DLG2: variants seen among roughly 807,000 people sequenced by gnomAD.
The protein encoded by DLG2 is disks large homolog 2.
DLG2 carries 45 observed loss-of-function variants against 132.5 expected under a neutral mutation model. The observed-to-expected ratio is 0.34, with a 90% CI of 0.27 to 0.44. The LOEUF is 0.44. Among genes scored for constraint, DLG2 ranks in the 20% least tolerant of loss-of-function variants. The pLI, the probability that DLG2 is intolerant of heterozygous loss-of-function variation, is 1.00. For missense variants in DLG2, 1,045 were observed against 1,196.9 expected (o/e 0.87, Z 1.87); for synonymous variants, 424 against 419.6 (o/e 1.01, Z -0.13).
chr11:84,361,042 C>A (rs113755211), intron 7 of DLG2, among the ~76,000 whole-genome samples: 2 of 151,766 alleles, frequency 1.3e-5, no homozygotes, highest in South Asian at 2.1e-4. Context: ...CCAGTTAACT[C>A]GAAGAAATAG....
chr11:84,500,434 A>G (rs1470159715), intron 7 of DLG2, among the ~76,000 whole-genome samples: 1 of 152,222 alleles, frequency 6.6e-6, no homozygotes, highest in African/African-American at 2.4e-5. Context: ...TGATAGCTTA[A>G]AGAATCAATG....
intron 3 of DLG2, among the ~76,000 whole-genome samples, chr11:85,440,525 TTTAGAGTACAGAAGC>T (rs1446686036): frequency 6.6e-6 from 1 of 152,176 alleles, no homozygotes; most frequent in African/African-American, 2.4e-5. Flanking sequence ...CTGCGTGAAG[TTTAGAGTACAGAAGC>T]TTTGCACCAA....
intron 6 of DLG2, among the ~76,000 whole-genome samples, chr11:84,540,170 CA>C (rs1275734185): frequency 6.6e-6 from 1 of 152,070 alleles, no homozygotes; most frequent in East Asian, 1.9e-4. Flanking sequence ...GCAATGGCAA[CA>C]AAAGCCAAAA....
chr11:84,170,552 C>A (rs759719700), intron 8 of DLG2, among the ~76,000 whole-genome samples: 1 of 152,088 alleles, frequency 6.6e-6, no homozygotes. Flanking sequence ...GTGATTCCAC[C>A]GGCAGTGAGT....
At chr11:84,950,719 G>A (rs186550886) in intron 6 of DLG2, among the ~76,000 whole-genome samples, 4 of 150,408 alleles carry the variant, frequency 2.7e-5, no homozygotes, top group East Asian at 1.9e-4. Context: ...GCACACACAC[G>A]CACGTGCATA....
At chr11:83,666,333 G>A (rs2075559124) in intron 18 of DLG2, among the ~76,000 whole-genome samples, 1 of 152,184 alleles carries the variant, frequency 6.6e-6, no homozygotes, top group Non-Finnish European at 1.5e-5. Context: ...TGCAGGAACT[G>A]GGCCGCACAG....
At position 85,000,174 on chromosome 11, in the gene DLG2, A is replaced by G. The variant is rs181137209; in HGVS notation, c.357+111487T>C. On this transcript the variant is annotated intron_variant, in intron 6 of 27. Coordinates refer to ENST00000376104, the MANE Select transcript of DLG2 (RefSeq NM_001142699.3). ...ACAAGTCAGCAATGTATGTCAGGTAAAGAGTGTGTGCTCATTATAAGCCTG... is the reference window on the plus strand; with the variant it reads ...ACAAGTCAGCAATGTATGTCAGGTAGAGAGTGTGTGCTCATTATAAGCCTG... Among the ~76,000 whole-genome samples, 119 of 152,108 alleles carry G rather than the reference A, an allele frequency of 7.8e-4. 1 individual carries two copies. Among genetic ancestry groups the G allele is most frequent in the Non-Finnish European group, 1.5e-3 (99 of 68,010 alleles).
chr11:83,706,243 C>G (rs538619704), intron 18 of DLG2, among the ~76,000 whole-genome samples: 15 of 151,228 alleles, frequency 9.9e-5, no homozygotes, highest in African/African-American at 3.4e-4. Context: ...ATTTTAAAAC[C>G]AACAAAATTT....
chr11:84,217,379 C>CTTTA (rs2096850434), intron 8 of DLG2, among the ~76,000 whole-genome samples: 1 of 152,144 alleles, frequency 6.6e-6, no homozygotes, highest in Non-Finnish European at 1.5e-5. Context: ...GATCTGATGG[C>CTTTA]TTTATAAAGG....
intron 3 of DLG2, among the ~76,000 whole-genome samples, chr11:85,322,933 GATAATCTTTTAAAATT>G (rs2081182053): frequency 6.6e-6 from 1 of 152,156 alleles, no homozygotes. Flanking sequence ...CTTTAAATAG[GATAATCTTTTAAAATT>G]ATAAGTCTGA....
intron 18 of DLG2, among the ~76,000 whole-genome samples, chr11:83,699,578 T>A (rs914848941): frequency 4.1e-5 from 6 of 144,958 alleles, no homozygotes; most frequent in African/African-American, 1.5e-4. Context: ...GGCGTGGTGG[T>A]GGGTGCCTGC....
At chr11:83,667,281 T>C (rs1209488513) in intron 18 of DLG2, among the ~76,000 whole-genome samples, 1 of 152,226 alleles carries the variant, frequency 6.6e-6, no homozygotes, top group Non-Finnish European at 1.5e-5. Flanking sequence ...TACCATTTAA[T>C]GGTGATAAGC....
At chr11:84,795,169 G>A (rs1187785067) in intron 6 of DLG2, among the ~76,000 whole-genome samples, 3 of 152,170 alleles carry the variant, frequency 2.0e-5, no homozygotes, top group Admixed American at 2.0e-4. Flanking sequence ...CCCAGACTTC[G>A]CCGGACTTGG....
At chr11:84,135,713 A>C (rs2094575892) in intron 9 of DLG2, among the ~76,000 whole-genome samples, 1 of 152,098 alleles carries the variant, frequency 6.6e-6, no homozygotes. Context: ...GTAAGAAATG[A>C]GCTGGAAGCT....
intron 18 of DLG2, among the ~76,000 whole-genome samples, chr11:83,706,489 C>T (rs1332847375): frequency 6.6e-6 from 1 of 152,110 alleles, no homozygotes; most frequent in South Asian, 2.1e-4. Context: ...AACTGCACTT[C>T]CATAATCCCC....
intron 11 of DLG2, among the ~76,000 whole-genome samples, chr11:83,993,167 T>C (rs1262320113): frequency 6.6e-6 from 1 of 152,160 alleles, no homozygotes; most frequent in African/African-American, 2.4e-5. Flanking sequence ...CAAAATTATA[T>C]GATCCTAGAA....
chr11:84,575,767 A>G (rs2154528406), intron 6 of DLG2, among the ~76,000 whole-genome samples: 1 of 152,302 alleles, frequency 6.6e-6, no homozygotes, highest in Middle Eastern at 3.4e-3. Context: ...ATCAAATACT[A>G]TATACTCATC....
At chr11:84,650,676 T>G (rs2099680421) in intron 6 of DLG2, among the ~76,000 whole-genome samples, 1 of 151,976 alleles carries the variant, frequency 6.6e-6, no homozygotes, top group African/African-American at 2.4e-5. Context: ...TAACCTCTCA[T>G]TAAATTGCTA....
At chr11:84,457,505 T>C (rs1261937170) in intron 7 of DLG2, among the ~76,000 whole-genome samples, 1 of 151,126 alleles carries the variant, frequency 6.6e-6, no homozygotes, top group African/African-American at 2.4e-5. Flanking sequence ...CCAAACTGTA[T>C]GGCAGAGACA....
Sources: allele counts gnomAD v4.1 joint callset (sites outside exome capture counted in the v4.1 genomes callset), GRCh38; gene constraint gnomAD v4.1.1; transcripts MANE v1.5; gene names NCBI Gene and HGNC (gene_info 2026-07-23, HGNC 2026-07-21).